Variants in DPYD observed in about 807,000 individuals in gnomAD.
The protein encoded by DPYD is dihydropyrimidine dehydrogenase [NADP(+)].
In DPYD, 109 loss-of-function variants were observed where a neutral mutation model predicts 116.2. That is an observed-to-expected ratio of 0.94 (90% CI 0.80 to 1.10). The LOEUF is 1.10. Ranked by LOEUF, DPYD falls within the 50% of genes least tolerant of loss-of-function variation. The pLI is 0.00. For missense variants in DPYD, 1,302 were observed against 1,254.5 expected (o/e 1.04, Z -0.57); for synonymous variants, 440 against 432.0 (o/e 1.02, Z -0.23).
intron 16 of DPYD, among the ~76,000 whole-genome samples, chr1:97,348,467 A>G (rs1669968269): frequency 6.6e-6 from 1 of 152,214 alleles, no homozygotes; most frequent in Non-Finnish European, 1.5e-5. Flanking sequence ...TCTTGTAACC[A>G]ATTTCCGTAA....
intron 18 of DPYD, among the ~76,000 whole-genome samples, chr1:97,237,068 C>T (rs769141111): frequency 2.6e-5 from 4 of 151,722 alleles, no homozygotes; most frequent in Admixed American, 1.3e-4. Flanking sequence ...GGTAAAACCC[C>T]GTGTCTACAA....
intron 8 of DPYD, among the ~76,000 whole-genome samples, chr1:97,669,202 C>T (rs893579045): frequency 6.6e-6 from 1 of 152,102 alleles, no homozygotes; most frequent in Non-Finnish European, 1.5e-5. Flanking sequence ...AGATTCCTTA[C>T]ATATTTTGAG....
At chr1:97,724,303 G>T (rs1557910188) in intron 4 of DPYD, among the ~76,000 whole-genome samples, 7 of 14,464 alleles carry the variant, frequency 4.8e-4, no homozygotes, top group African/African-American at 2.0e-3. Context: ...TGGGGGGGGG[G>T]GGGGGTGTGT....
At chr1:97,736,523 CTAAA>C (rs928739718) in intron 4 of DPYD, among the ~76,000 whole-genome samples, 30 of 151,906 alleles carry the variant, frequency 2.0e-4, no homozygotes, top group African/African-American at 7.0e-4. Flanking sequence ...CCAATATTGA[CTAAA>C]TAAAGCAATT....
At chr1:97,097,365 C>T (rs1650339531) in intron 21 of DPYD, among the ~76,000 whole-genome samples, 1 of 151,980 alleles carries the variant, frequency 6.6e-6, no homozygotes, top group Non-Finnish European at 1.5e-5. Flanking sequence ...GGGTTCCAGT[C>T]TCCAGTTGAC....
chr1:97,851,097 C>A (rs1280762485), intron 2 of DPYD, among the ~76,000 whole-genome samples: 29 of 151,788 alleles, frequency 1.9e-4, no homozygotes, highest in Admixed American at 1.9e-3. Flanking sequence ...AGCAATGATG[C>A]TCAAGGAGAT....
Position 97,719,698 on chromosome 1 carries a change from G to A in DPYD, c.483+1812C>T, listed in dbSNP as rs181182291. On this transcript the variant is annotated intron_variant, in intron 5 of 22. Transcript: ENST00000370192. Reference sequence around the variant, plus strand: ...CCACACACTGACCTAGGGAATACAGGACTTTCTAAAATCAGGCACCCTAAT... The same window carrying A: ...CCACACACTGACCTAGGGAATACAGAACTTTCTAAAATCAGGCACCCTAAT... 1.2e-5 allele frequency: 12 copies of A among 984,722 alleles called. No individual in the cohort carries two copies. In the African/African-American group the frequency reaches 1.6e-4, roughly 13 times the overall value. The allele number at this position is 984,722 out of a possible 1,614,324, so 61.0% of individuals were successfully genotyped here. A position where few individuals can be genotyped will look rare whatever the true frequency, so the allele number is the denominator to read the frequency against.
chr1:97,339,472 T>A (rs989694687), intron 16 of DPYD, among the ~76,000 whole-genome samples: 6 of 152,184 alleles, frequency 3.9e-5, no homozygotes, highest in Non-Finnish European at 5.9e-5. Context: ...TGCGACTATG[T>A]TATTAAAAGA....
chr1:97,195,064 G>A (rs1658651651), intron 19 of DPYD, among the ~76,000 whole-genome samples: 2 of 152,096 alleles, frequency 1.3e-5, no homozygotes, highest in Admixed American at 6.6e-5. Context: ...AGACTCCAGA[G>A]AGTCATTTAC....
chr1:97,326,998 T>C (rs750837012), intron 16 of DPYD, among the ~76,000 whole-genome samples: 4 of 152,032 alleles, frequency 2.6e-5, no homozygotes, highest in Admixed American at 6.6e-5. Context: ...TTAAAATAAA[T>C]CAATTGTGGT....
chr1:97,677,499 T>C (rs533838948), intron 8 of DPYD, among the ~76,000 whole-genome samples: 1 of 152,324 alleles, frequency 6.6e-6, no homozygotes, highest in South Asian at 2.1e-4. Flanking sequence ...CCAATTTCTT[T>C]ACATTAAATT....
intron 3 of DPYD, among the ~76,000 whole-genome samples, chr1:97,826,139 A>C (rs942587095): frequency 6.6e-6 from 1 of 152,140 alleles, no homozygotes; most frequent in Non-Finnish European, 1.5e-5. Context: ...TGTCTCATAG[A>C]ATGGGTGGTT....
intron 7 of DPYD, among the ~76,000 whole-genome samples, chr1:97,684,679 C>T (rs569089107): frequency 6.6e-6 from 1 of 151,986 alleles, no homozygotes; most frequent in African/African-American, 2.4e-5. Context: ...ACTGAACCCA[C>T]AGAAATACAA....
At position 97,348,201 on chromosome 1, in the gene DPYD, A is replaced by T. The variant is rs886298757; in HGVS notation, c.2058+25360T>A. On this transcript the variant is annotated intron_variant, in intron 16 of 22. Transcript: ENST00000370192. ...AATGTCCTCTTTAATAATTCTCAGC[A>T]CTCTGGTAATTCTGTTAATATTACT... 2.6e-4 allele frequency among the ~76,000 whole-genome samples: 39 copies of T among 151,942 alleles called. 1 individual carries two copies. The highest frequency in any genetic ancestry group is 8.9e-4 in the African/African-American group (37 of 41,422).
At chr1:97,105,727 T>C (rs1651088436) in intron 20 of DPYD, among the ~76,000 whole-genome samples, 1 of 152,092 alleles carries the variant, frequency 6.6e-6, no homozygotes, top group African/African-American at 2.4e-5. Context: ...GAGAAATAAG[T>C]AGAGGACGAC....
chr1:97,387,830 A>G (rs997848808), intron 14 of DPYD, among the ~76,000 whole-genome samples: 2 of 152,140 alleles, frequency 1.3e-5, no homozygotes, highest in Admixed American at 6.6e-5. Flanking sequence ...AGTATGAAAG[A>G]AAATGAGAGA....
intron 3 of DPYD, among the ~76,000 whole-genome samples, chr1:97,785,354 T>C (rs1348050507): frequency 1.3e-5 from 2 of 152,230 alleles, no homozygotes; most frequent in Admixed American, 6.5e-5. Context: ...TCTATCTGTG[T>C]GTTCTTCATA....
chr1:97,410,915 C>T (rs1401803083), intron 14 of DPYD, among the ~76,000 whole-genome samples: 1 of 152,168 alleles, frequency 6.6e-6, no homozygotes, highest in Non-Finnish European at 1.5e-5. Context: ...GAGCCCCAGA[C>T]ATGTGTGCCT....
At chr1:97,882,801 G>A (rs1672294971) in intron 2 of DPYD, among the ~76,000 whole-genome samples, 1 of 151,564 alleles carries the variant, frequency 6.6e-6, no homozygotes, top group South Asian at 2.1e-4. Context: ...ATTTTGTGAG[G>A]GTGTATTTTT....
Sources: gnomAD v4.1 joint callset for allele counts (sites outside exome capture counted in the v4.1 genomes callset) on GRCh38, gnomAD v4.1.1 for gene constraint, MANE v1.5 for transcripts, NCBI Gene and HGNC (gene_info 2026-07-23, HGNC 2026-07-21) for gene names.